HAPLN2: variants seen among roughly 807,000 people sequenced by gnomAD.
HAPLN2 encodes the protein brain link protein-1.
Under a neutral mutation model 29.3 loss-of-function variants are expected in HAPLN2, and 27 were observed. The ratio of observed to expected loss-of-function variants is 0.92; its 90% CI spans 0.68 to 1.27. HAPLN2 has a LOEUF of 1.27. Ranked by LOEUF, HAPLN2 falls within the 50% of genes most tolerant of loss-of-function variation. The pLI is 0.00. For missense variants in HAPLN2, 454 were observed against 484.3 expected (o/e 0.94, Z 0.59); for synonymous variants, 208 against 211.7 (o/e 0.98, Z 0.15).
the HAPLN2 span, among the ~76,000 whole-genome samples, chr1:156,610,233 A>G: frequency 6.6e-6 from 1 of 152,162 alleles, no homozygotes; most frequent in Admixed American, 6.5e-5. Context: ...AAACAAACAA[A>G]CAAATAATGC....
chr1:156,619,791 T>G (rs1306676620), intron 1 of HAPLN2, among the ~76,000 whole-genome samples: 1 of 152,128 alleles, frequency 6.6e-6, no homozygotes, highest in African/African-American at 2.4e-5. Flanking sequence ...CTCCCTTTAT[T>G]CCACTCCCCT....
upstream of HAPLN2, among the ~76,000 whole-genome samples, chr1:156,616,494 A>G (rs1175052970): frequency 6.6e-6 from 1 of 152,184 alleles, no homozygotes; most frequent in Non-Finnish European, 1.5e-5. Context: ...AGAGACTTCC[A>G]AGCCACAGTT....
chr1:156,622,445 C>A (rs929515026), intron 2 of HAPLN2, among the ~76,000 whole-genome samples: 10 of 151,504 alleles, frequency 6.6e-5, no homozygotes, highest in East Asian at 1.9e-4. Context: ...GAGAGTAAAA[C>A]CCTGTCTCAA....
At chr1:156,615,573 T>TC (rs1491200592), upstream of HAPLN2, among the ~76,000 whole-genome samples, 546 of 102,006 alleles carry the variant, frequency 5.4e-3, 7 homozygotes, top group African/African-American at 0.019. Flanking sequence ...TCTCTCTCTC[T>TC]TTTTTTTTTT....
At chr1:156,624,899 C>T (rs1678395459) in intron 6 of HAPLN2, 116 bp downstream of exon 6, 15 of 1,276,578 alleles carry the variant, frequency 1.2e-5, no homozygotes, top group Non-Finnish European at 1.5e-5. Flanking sequence ...AAGGCACCGC[C>T]CCCCCATCAG....
Position 156,624,793 on chromosome 1 carries a change from G to T in HAPLN2, c.739+10G>T. On this transcript the variant is annotated intron_variant, in intron 6 of 6. Coordinates refer to ENST00000255039, the MANE Select transcript of HAPLN2 (RefSeq NM_021817.3). ...ACCTCCGCGCTGGCGGGTGAGGCGC[G>T]GGACGAAGGCAGGGTCTTGGGGAGG... The T allele has an allele frequency of 6.7e-7, 1 of 1,488,062 alleles. No individual in the cohort carries two copies. The highest frequency in any genetic ancestry group is 8.9e-7 in the Non-Finnish European group (1 of 1,127,050). The allele number at this position is 1,488,062 out of a possible 1,614,324, so 92.2% of individuals were successfully genotyped here. A position where few individuals can be genotyped will look rare whatever the true frequency, so the allele number is the denominator to read the frequency against.
At chr1:156,620,615 G>T (rs1678188338) in intron 2 of HAPLN2, among the ~76,000 whole-genome samples, 1 of 152,142 alleles carries the variant, frequency 6.6e-6, no homozygotes, top group East Asian at 1.9e-4. Flanking sequence ...TAACCACTGA[G>T]AAGTTTTCTA....
rs1303922897 is a variant in HAPLN2 at position 156,623,098 on chromosome 1, T to C, written c.-24-369T>C. 3.6e-5 allele frequency among the ~76,000 whole-genome samples: 5 copies of C among 139,874 alleles called. No homozygotes were observed. The Admixed American group carries it at 3.6e-4, about 10-fold the overall frequency. 91.8% of individuals were successfully genotyped at this position (139,874 alleles called of 152,430 possible). On this transcript the variant is annotated intron_variant, in intron 2 of 6. Transcript: ENST00000255039. Reference sequence around the variant, plus strand: ...TAAATAAAATAAAAAAGCAGGAGAGTGATAAGATCATTTTGACTCTGGCTT... The same window carrying C: ...TAAATAAAATAAAAAAGCAGGAGAGCGATAAGATCATTTTGACTCTGGCTT...
At chr1:156,624,882 TCCCTCCAAGGCACC>T in intron 6 of HAPLN2, 99 bp downstream of exon 6, 1 of 1,360,218 alleles carries the variant, frequency 7.4e-7, no homozygotes, top group Non-Finnish European at 9.7e-7. Context: ...GGTCTCCGGG[TCCCTCCAAGGCACC>T]GCCCCCCCAT....
chr1:156,602,781 A>T, the HAPLN2 span, among the ~76,000 whole-genome samples: 5 of 151,996 alleles, frequency 3.3e-5, no homozygotes, highest in African/African-American at 4.8e-5. Flanking sequence ...AAGAAGATAC[A>T]GCAAAAGGGA....
intron 2 of HAPLN2, among the ~76,000 whole-genome samples, chr1:156,623,263 G>A (rs1478788642): frequency 6.6e-6 from 1 of 151,950 alleles, no homozygotes; most frequent in Non-Finnish European, 1.5e-5. Flanking sequence ...GGATGTGACA[G>A]AGGAAGAGAG....
chr1:156,623,351 T>C, intron 2 of HAPLN2, 116 bp from the exon 3 acceptor site: 1 of 805,642 alleles, frequency 1.2e-6, no homozygotes, highest in Non-Finnish European at 1.9e-6. Context: ...TCTGCCCCAG[T>C]GGCTTCCAGC....
In HAPLN2 at chr1:156,624,764, C is replaced by T. The variant is rs1678390405; in HGVS notation, c.720C>T (p.Cys240=). 1.3e-6 allele frequency: 2 copies of T among 1,525,082 alleles called. No individual in the cohort carries two copies. The highest frequency in any genetic ancestry group is 1.7e-6 in the Non-Finnish European group (2 of 1,145,088). The allele number at this position is 1,525,082 out of a possible 1,614,324, so 94.5% of individuals were successfully genotyped here. ...DRMRDRYDAF[C]FTSALAGQVF... ...TGCGCGACCGCTACGACGCCTTCTG[C>T]TTCACCTCCGCGCTGGCGGGTGAGG... is the stretch of plus-strand genomic sequence containing the variant. The change falls in exon 6 of 7, where the codon TGC becomes TGT. Residue 240 remains cysteine (C), a synonymous_variant. Coordinates refer to ENST00000255039, the MANE Select transcript of HAPLN2 (RefSeq NM_021817.3).
the HAPLN2 span, among the ~76,000 whole-genome samples, chr1:156,604,209 C>T: frequency 6.6e-6 from 1 of 151,702 alleles, no homozygotes; most frequent in African/African-American, 2.4e-5. Context: ...CAAAATATCT[C>T]ACAACAGGAG....
upstream of HAPLN2, among the ~76,000 whole-genome samples, chr1:156,615,649 C>T (rs1373943933): frequency 5.3e-5 from 8 of 150,912 alleles, no homozygotes; most frequent in Non-Finnish European, 1.2e-4. Flanking sequence ...CAGCTCACTG[C>T]GACCTCCGCC....
At chr1:156,613,802 A>C in the HAPLN2 span, among the ~76,000 whole-genome samples, 2 of 151,722 alleles carry the variant, frequency 1.3e-5, no homozygotes, top group Non-Finnish European at 2.9e-5. Context: ...CTGTAACCCT[A>C]GCTACTTGGG....
At chr1:156,602,378 GA>G in the HAPLN2 span, among the ~76,000 whole-genome samples, 1 of 151,822 alleles carries the variant, frequency 6.6e-6, no homozygotes, top group Non-Finnish European at 1.5e-5. Flanking sequence ...CCTTGAGTGG[GA>G]TTAGATGGAG....
At chr1:156,624,566 G>T (rs768147616) in intron 5 of HAPLN2, 35 bp from the exon 6 acceptor site, 1 of 1,606,290 alleles carries the variant, frequency 6.2e-7, no homozygotes, top group Non-Finnish European at 8.5e-7. Flanking sequence ...TGCCTATGAC[G>T]CCTCTTATCC....
At chr1:156,604,149 A>G in the HAPLN2 span, among the ~76,000 whole-genome samples, 1 of 152,238 alleles carries the variant, frequency 6.6e-6, no homozygotes, top group Admixed American at 6.5e-5. Flanking sequence ...CAAGATGCAT[A>G]GAAATATTTA....
Sources: gnomAD v4.1 joint callset for allele counts (sites outside exome capture counted in the v4.1 genomes callset) on GRCh38, gnomAD v4.1.1 for gene constraint, MANE v1.5 for transcripts, NCBI Gene and HGNC (gene_info 2026-07-23, HGNC 2026-07-21) for gene names.